LYPD3: variants seen among roughly 807,000 people sequenced by gnomAD.
The protein encoded by LYPD3 is LY6/PLAUR domain containing 3, also known as ly6/PLAUR domain-containing protein 3.
In LYPD3, 22 loss-of-function variants were observed where a neutral mutation model predicts 21.7. The observed-to-expected ratio is 1.01, with a 90% CI of 0.72 to 1.45. The LOEUF is 1.45. LYPD3 is among the 40% of genes most tolerant of loss of function. LYPD3 has a pLI of 0.00. For missense variants in LYPD3, 471 were observed against 466.9 expected, an observed-to-expected ratio of 1.01 and a Z score of -0.08; for synonymous variants, 179 against 203.0, an observed-to-expected ratio of 0.88 and a Z score of 1.00.
In LYPD3 at chr19:43,464,364, C is replaced by T. The variant is rs1029422256; in HGVS notation, c.172G>A (p.Val58Met). 3 of 1,613,488 alleles carry T rather than the reference C, an allele frequency of 1.9e-6. No homozygotes were observed. The highest frequency in any genetic ancestry group is 1.3e-5 in the African/African-American group (1 of 74,922). ...KMKTVKCAPG[V>M]DVCTEAVGAV... Reference sequence around the variant, plus strand: ...CCCACGGCCTCGGTGCAGACGTCCACGCCCGGCGCGCACTTCACTGTCTTC... The same window carrying T: ...CCCACGGCCTCGGTGCAGACGTCCATGCCCGGCGCGCACTTCACTGTCTTC... Residue 58 changes from valine to methionine, a missense_variant, in exon 2 of 5, where the codon GTG becomes ATG. Coordinates refer to ENST00000244333, the MANE Select transcript of LYPD3 (RefSeq NM_014400.3).
At chr19:43,464,934 C>T (rs2682584) in intron 1 of LYPD3, among the ~76,000 whole-genome samples, 24,363 of 60,440 alleles carry the variant, frequency 0.4, 3,279 homozygotes, top group African/African-American at 0.49. Context: ...TTCTTTTTTT[C>T]TTTTTTTTTT....
rs768875729 is a variant in LYPD3 at position 43,464,926 on chromosome 19, C to CTTTTTTTTTTTTTTTT, written c.80-471_80-470insAAAAAAAAAAAAAAAA. ...ACAGGGAACACTTTTTTCTTTTTTT[C>CTTTTTTTTTTTTTTTT]TTTTTTTCTTTTTTTTTTTTTTGAG... On this transcript the variant is annotated intron_variant, in intron 1 of 4. Coordinates refer to ENST00000244333, the MANE Select transcript of LYPD3 (RefSeq NM_014400.3). Among the ~76,000 whole-genome samples, 3 of 97,256 alleles carry CTTTTTTTTTTTTTTTT rather than the reference C, an allele frequency of 3.1e-5. 1 individual carries two copies. The highest frequency in any genetic ancestry group is 6.0e-5 in the Non-Finnish European group (3 of 49,878). 63.8% of individuals were successfully genotyped at this position (97,256 alleles called of 152,430 possible).
At position 43,465,498 on chromosome 19, in the gene LYPD3, C is replaced by A. The variant is rs781094996; in HGVS notation, c.74G>T (p.Arg25Leu). 1.8e-5 allele frequency: 29 copies of A among 1,609,338 alleles called. No homozygotes were observed. The highest frequency in any genetic ancestry group is 2.4e-5 in the Non-Finnish European group (28 of 1,179,960). ...TCTCCGGGCAGCAGACCCACCTCCG[C>A]GAAGCAGCAGCAGCAGCAGCCAGCC... ...TAGWLLLLLL[R>L]GGAQALECYS... The change falls in exon 1 of 5, where the codon CGC becomes CTC. Residue 25 changes from arginine (R) to leucine (L), a missense_variant. Physicochemically the swap from Arg to Leu is moderately radical, Grantham distance 102 (BLOSUM62 -2). Transcript: ENST00000244333.
Position 43,463,903 on chromosome 19 carries a change from C to A in LYPD3, c.212-134G>T, listed in dbSNP as rs1170416560. On this transcript the variant is annotated intron_variant, in intron 2 of 4. Transcript: ENST00000244333. ...CACAGGACCGACAGGCAGGAATTGG[C>A]GGATGGACGCCCCCAAAGAGCCGCT... 3 of 901,802 alleles carry A rather than the reference C, an allele frequency of 3.3e-6. No individual in the cohort carries two copies. The African/African-American group carries it at 5.0e-5, about 15-fold the overall frequency. The allele number at this position is 901,802 out of a possible 1,614,324, so 55.9% of individuals were successfully genotyped here.
At chr19:43,463,513 C>A in intron 3 of LYPD3, 86 bp downstream of exon 3, 2 of 1,450,784 alleles carry the variant, frequency 1.4e-6, no homozygotes, top group Non-Finnish European at 1.9e-6. Context: ...AGGTCGAGTA[C>A]TCCCGCCTCT....
At chr19:43,465,283 C>G (rs10408009) in intron 1 of LYPD3, among the ~76,000 whole-genome samples, 1 of 152,164 alleles carries the variant, frequency 6.6e-6, no homozygotes, top group Non-Finnish European at 1.5e-5. Flanking sequence ...GCCCACAGCT[C>G]CCCTTGTCCG....
chr19:43,463,844 T>C, intron 2 of LYPD3, 75 bp from the exon 3 acceptor site: 3 of 1,447,966 alleles, frequency 2.1e-6, no homozygotes, highest in South Asian at 1.1e-5. Flanking sequence ...TTGGGTAGGG[T>C]CTGGGAGGGG....
At position 43,464,369 on chromosome 19, in the gene LYPD3, G is replaced by A. The variant is rs754981572; in HGVS notation, c.167C>T (p.Pro56Leu). Reference sequence around the variant, plus strand: ...GGCCTCGGTGCAGACGTCCACGCCCGGCGCGCACTTCACTGTCTTCATCTT... The same window carrying A: ...GGCCTCGGTGCAGACGTCCACGCCCAGCGCGCACTTCACTGTCTTCATCTT... ...PNKMKTVKCAPGVDVCTEAVG... is the reference protein window; with the variant it reads ...PNKMKTVKCALGVDVCTEAVG... Residue 56 changes from proline (P) to leucine (L), a missense_variant, in exon 2 of 5, where the codon CCG becomes CTG. Physicochemically the swap from Pro to Leu is moderately conservative, Grantham distance 98. Transcript: ENST00000244333. The A allele has an allele frequency of 5.6e-6, 9 of 1,613,788 alleles. No individual in the cohort carries two copies. Among genetic ancestry groups the A allele is most frequent in the East Asian group, 2.2e-5 (1 of 44,870 alleles).
Position 43,463,841 on chromosome 19 carries a change from G to T in LYPD3, c.212-72C>A, listed in dbSNP as rs556609946. On this transcript the variant is annotated intron_variant, in intron 2 of 4. Transcript: ENST00000244333. ...ATGGGGCGTGGCCCAGAGTTGGGTA[G>T]GGTCTGGGAGGGGCGGGGCCTCAAA... 5.6e-4 allele frequency: 815 copies of T among 1,459,788 alleles called. 2 individuals carry two copies. Among genetic ancestry groups the T allele is most frequent in the Non-Finnish European group, 7.5e-4 (787 of 1,053,316 alleles). The allele number at this position is 1,459,788 out of a possible 1,614,324, so 90.4% of individuals were successfully genotyped here. A position where few individuals can be genotyped will look rare whatever the true frequency, so the allele number is the denominator to read the frequency against.
rs768875729 is a variant in LYPD3, at chr19:43,464,926, C to CTTTTTT, written c.80-476_80-471dup. Among the ~76,000 whole-genome samples, 237 of 97,120 alleles carry CTTTTTT rather than the reference C, an allele frequency of 2.4e-3. 5 individuals carry two copies. Among genetic ancestry groups the CTTTTTT allele is most frequent in the Non-Finnish European group, 3.1e-3 (154 of 49,770 alleles). 63.7% of individuals were successfully genotyped at this position (97,120 alleles called of 152,430 possible). A position where few individuals can be genotyped will look rare whatever the true frequency, so the allele number is the denominator to read the frequency against. On this transcript the variant is annotated intron_variant, in intron 1 of 4. Coordinates refer to ENST00000244333, the MANE Select transcript of LYPD3 (RefSeq NM_014400.3). ...ACAGGGAACACTTTTTTCTTTTTTT[C>CTTTTTT]TTTTTTTCTTTTTTTTTTTTTTGAG...
At chr19:43,464,970 G>T (rs1314404269) in intron 1 of LYPD3, among the ~76,000 whole-genome samples, 1 of 130,948 alleles carries the variant, frequency 7.6e-6, no homozygotes, top group African/African-American at 2.9e-5. Flanking sequence ...TCGCTCTGTC[G>T]CCAGGCTGGA....
In LYPD3 at chr19:43,464,407, TC is replaced by T. The variant is rs748670465; in HGVS notation, c.128del (p.Gly43AspfsTer7). 41 of 1,613,996 alleles carry T rather than the reference TC, an allele frequency of 2.5e-5. No homozygotes were observed. The highest frequency in any genetic ancestry group is 3.2e-5 in the Non-Finnish European group (38 of 1,180,034). ...CTGTCTTCATCTTGTTCGGGGAGCA[TC>T]CGTCATCTGCTTTCTGCACGCAGCT... ...CYSCVQKADD[G>X]CSPNKMKTVK... is the part of the protein sequence containing the mutation. On this transcript the variant is annotated frameshift_variant, in exon 2 of 5. Transcript: ENST00000244333. LOFTEE classifies it high-confidence loss of function.
At chr19:43,462,590 G>T (rs1970784461) in intron 4 of LYPD3, among the ~76,000 whole-genome samples, 1 of 152,160 alleles carries the variant, frequency 6.6e-6, no homozygotes, top group African/African-American at 2.4e-5. Flanking sequence ...CCAAGAGGTA[G>T]AGGCTGCAGT....
Position 43,465,557 on chromosome 19 carries a change from C to G in LYPD3, c.15G>C (p.Arg5Ser). The G allele has an allele frequency of 6.2e-7, 1 of 1,610,462 alleles. No homozygotes were observed. The highest frequency in any genetic ancestry group is 1.1e-5 in the South Asian group (1 of 91,086). The change falls in exon 1 of 5, where the codon AGG becomes AGC. Residue 5 changes from arginine to serine, a missense_variant. By Grantham distance (110) the Arg-to-Ser change is moderately radical. Coordinates refer to ENST00000244333, the MANE Select transcript of LYPD3 (RefSeq NM_014400.3). MDPA[R>S]KAGAQAMIWT... is the part of the protein sequence containing the mutation. The stretch of plus-strand genomic sequence containing the variant: ...AGATCATGGCCTGGGCACCTGCTTT[C>G]CTGGCGGGGTCCATGGCTCCGTCCT...
In LYPD3 at chr19:43,461,479, C is replaced by T; in HGVS notation, c.913G>A (p.Asp305Asn). 1 of 1,614,158 alleles carries T rather than the reference C, an allele frequency of 6.2e-7. No individual in the cohort carries two copies. The highest frequency in any genetic ancestry group is 8.5e-7 in the Non-Finnish European group (1 of 1,180,024). The part of the protein sequence containing the change: ...RLTGGAAGHQ[D>N]RSNSGQYPAK... ...GGATACTGCCCTGAATTGCTGCGGT[C>T]CTGGTGGCCAGCGGCGCCTCCAGTC... The change falls in exon 5 of 5, where the codon GAC becomes AAC. Residue 305 changes from aspartate (D) to asparagine (N), a missense_variant. Asp to Asn is a conservative substitution (Grantham distance 23, BLOSUM62 1). Coordinates refer to ENST00000244333, the MANE Select transcript of LYPD3 (RefSeq NM_014400.3).
At chr19:43,464,736 G>A (rs928743535) in intron 1 of LYPD3, among the ~76,000 whole-genome samples, 1 of 152,088 alleles carries the variant, frequency 6.6e-6, no homozygotes, top group Non-Finnish European at 1.5e-5. Flanking sequence ...TCATCCCGGG[G>A]TAGGAAGGAT....
At chr19:43,463,078 A>G in intron 4 of LYPD3, 48 bp downstream of exon 4, 1 of 1,600,340 alleles carries the variant, frequency 6.2e-7, no homozygotes, top group South Asian at 1.1e-5. Flanking sequence ...GGTGCTTCAG[A>G]AGGGCTACCA....
In LYPD3 at chr19:43,464,437, G is replaced by T. The variant is rs1338858452; in HGVS notation, c.99C>A (p.Cys33Ter). Reference sequence around the variant, plus strand: ...CATCTGCTTTCTGCACGCAGCTGTAGCACTCCAGGGCCTGCGCTCCTGGGG... The same window carrying T: ...CATCTGCTTTCTGCACGCAGCTGTATCACTCCAGGGCCTGCGCTCCTGGGG... ...LLRGGAQALE[C>*]YSCVQKADDG... Residue 33 changes from cysteine (C) to a stop codon, truncating the protein, a stop_gained, in exon 2 of 5, where the codon TGC (cysteine) becomes TGA (stop). Transcript: ENST00000244333. LOFTEE classifies it high-confidence loss of function. 1 of 1,614,114 alleles carries T rather than the reference G, an allele frequency of 6.2e-7. No homozygotes were observed. Among genetic ancestry groups the T allele is most frequent in the Non-Finnish European group, 8.5e-7 (1 of 1,180,042 alleles).
intron 3 of LYPD3, 112 bp downstream of exon 3, chr19:43,463,487 A>G: frequency 1.6e-5 from 17 of 1,084,924 alleles, no homozygotes; most frequent in Non-Finnish European, 2.2e-5. Flanking sequence ...CCAGAGTGTG[A>G]CCCCACCCCC....
Sources: gnomAD v4.1 joint callset for allele counts (sites outside exome capture counted in the v4.1 genomes callset) on GRCh38, gnomAD v4.1.1 for gene constraint, MANE v1.5 for transcripts, NCBI Gene and HGNC (gene_info 2026-07-23, HGNC 2026-07-21) for gene names.